NAALADL1: variants seen among roughly 807,000 people sequenced by gnomAD.
NAALADL1 encodes aminopeptidase NAALADL1.
In NAALADL1, 77 loss-of-function variants were observed where a neutral mutation model predicts 82.8. That is an observed-to-expected ratio of 0.93 (90% CI 0.77 to 1.12). The LOEUF (loss-of-function observed/expected upper bound fraction) is 1.12, where lower values mean the gene tolerates loss of function less well. NAALADL1 is among the 50% of genes most tolerant of loss of function. NAALADL1 has a pLI of 0.00. For synonymous variants in NAALADL1, 358 were observed against 399.2 expected (o/e 0.90, Z 1.23); for missense variants, 956 against 964.0 (o/e 0.99, Z 0.11).
At position 65,058,145 on chromosome 11, in the gene NAALADL1, G is replaced by A. The variant is rs1327766162; in HGVS notation, c.291C>T (p.Ala97=). The A allele has an allele frequency of 1.3e-5, 21 of 1,613,816 alleles. No individual in the cohort carries two copies. The highest frequency in any genetic ancestry group is 1.6e-4 in the Middle Eastern group (1 of 6,082). The change falls in exon 2 of 18, where the codon GCC becomes GCT. Residue 97 remains alanine, a synonymous_variant. Coordinates refer to ENST00000358658, the MANE Select transcript of NAALADL1 (RefSeq NM_005468.3). ...WKDPESGLDS[A]EASTYEVLLS... ...GCAGCACTTCGTACGTGGAGGCCTC[G>A]GCCGAGTCCAGGCCTGACTCTGGGT... is the stretch of plus-strand genomic sequence containing the variant.
At chr11:65,057,042 G>T (rs558761021) in intron 4 of NAALADL1, among the ~76,000 whole-genome samples, 1 of 152,344 alleles carries the variant, frequency 6.6e-6, no homozygotes, top group East Asian at 1.9e-4. Flanking sequence ...TGATGGAAAA[G>T]AAATGGCAGG....
chr11:65,057,539 G>A (rs1209386622), intron 3 of NAALADL1, 46 bp from the exon 4 acceptor site: 3 of 1,582,634 alleles, frequency 1.9e-6, no homozygotes, highest in African/African-American at 1.4e-5. Context: ...CCAGCGAAGT[G>A]TGGGTGGGGA....
rs1242938654 is a variant in NAALADL1 at position 65,046,261 on chromosome 11, T to C, written c.1783A>G (p.Thr595Ala). ...LPLKVSDYSE[T>A]LRSFLQAAQQ... is the part of the protein sequence containing the mutation. The stretch of plus-strand genomic sequence containing the variant: ...GCTGCCTGCAGGAAGCTGCGGAGTG[T>C]CTCACTGTAGTCACTGACTTTGAGG... The change falls in exon 15 of 18, where the codon ACA becomes GCA. Residue 595 changes from threonine to alanine, a missense_variant. Transcript: ENST00000358658. 1.9e-6 allele frequency: 3 copies of C among 1,614,106 alleles called. No individual in the cohort carries two copies.
At position 65,048,304 on chromosome 11, in the gene NAALADL1, G is replaced by A; in HGVS notation, c.1280C>T (p.Thr427Ile). The change falls in exon 9 of 18, where the codon ACA (threonine) becomes ATA (isoleucine). Residue 427 changes from threonine (T) to isoleucine (I), a missense_variant. Coordinates refer to ENST00000358658, the MANE Select transcript of NAALADL1 (RefSeq NM_005468.3). ...EFGLIGSTEF[T>I]EEFFNKLQER... ...CTACCCTGTAGGGCCACTCACTTCTGTGAATTCCGTGGAGCCAATGAGCCC... is the reference window on the plus strand; with the variant it reads ...CTACCCTGTAGGGCCACTCACTTCTATGAATTCCGTGGAGCCAATGAGCCC... 1 of 1,614,170 alleles carries A rather than the reference G, an allele frequency of 6.2e-7. No homozygotes were observed. Among genetic ancestry groups the A allele is most frequent in the Non-Finnish European group, 8.5e-7 (1 of 1,180,036 alleles).
intron 8 of NAALADL1, 124 bp from the exon 9 acceptor site, chr11:65,048,509 C>A (rs1946803201): frequency 9.6e-7 from 1 of 1,040,082 alleles, no homozygotes; most frequent in Non-Finnish European, 1.4e-6. Context: ...GACAGGATGT[C>A]CTGGCACCCT....
At position 65,046,021 on chromosome 11, in the gene NAALADL1, G is replaced by GCTCACTCAGGGCTGCCCTTC. The variant is rs1946714554; in HGVS notation, c.1929_1943+5dup. 6.2e-7 allele frequency: 1 copy of GCTCACTCAGGGCTGCCCTTC among 1,613,542 alleles called. No homozygotes were observed. The highest frequency in any genetic ancestry group is 2.2e-5 in the East Asian group (1 of 44,890). ...CTCCCAGCCCCTGCCCGCTGCCCTT[G>GCTCACTCAGGGCTGCCCTTC]CTCACTCAGGGCTGCCCTTCTGCAG... On this transcript the variant is annotated splice_donor_region_variant and intron_variant, in intron 16 of 17. Coordinates refer to ENST00000358658, the MANE Select transcript of NAALADL1 (RefSeq NM_005468.3).
In NAALADL1 at chr11:65,044,831, A is replaced by G. The variant is rs1367603257; in HGVS notation, c.*440T>C. 6.3e-6 allele frequency: 8 copies of G among 1,264,524 alleles called. No individual in the cohort carries two copies. Among genetic ancestry groups the G allele is most frequent in the South Asian group, 3.0e-5 (2 of 66,546 alleles). The allele number at this position is 1,264,524 out of a possible 1,614,324, so 78.3% of individuals were successfully genotyped here. A position where few individuals can be genotyped will look rare whatever the true frequency, so the allele number is the denominator to read the frequency against. On this transcript the variant is annotated 3_prime_UTR_variant, in exon 18 of 18. Transcript: ENST00000358658. This position sits in a 1 kb window ranked among gnomAD's most constrained non-coding sequence, Gnocchi z 4.0. The stretch of plus-strand genomic sequence containing the variant: ...AAAAGGAACTTGTTTTGTTGGTACC[A>G]GTCACTAGATGTGATTTATTTGAGG...
intron 8 of NAALADL1, among the ~76,000 whole-genome samples, chr11:65,049,979 G>C (rs950298886): frequency 1.3e-5 from 2 of 151,024 alleles, no homozygotes; most frequent in Admixed American, 6.6e-5. Flanking sequence ...AGGTTCAAGC[G>C]ATTCTCCTGC....
At chr11:65,058,907 G>A (rs1947122701), upstream of NAALADL1, among the ~76,000 whole-genome samples, 1 of 152,162 alleles carries the variant, frequency 6.6e-6, no homozygotes, top group African/African-American at 2.4e-5. Context: ...CCGATCTACA[G>A]CATACCCAGC....
chr11:65,050,559 G>A (rs1160109130), intron 8 of NAALADL1, among the ~76,000 whole-genome samples: 1 of 151,766 alleles, frequency 6.6e-6, no homozygotes, highest in East Asian at 2.0e-4. Context: ...GAAGGCCAGA[G>A]CGGGTGGATC....
intron 11 of NAALADL1, 109 bp from the exon 12 acceptor site, chr11:65,047,847 T>C (rs1382977634): frequency 8.8e-6 from 13 of 1,470,800 alleles, no homozygotes; most frequent in South Asian, 2.5e-5. Context: ...CTTACGAGGC[T>C]TGCCCCAGCC....
chr11:65,059,292 G>A (rs1947132176), upstream of NAALADL1, among the ~76,000 whole-genome samples: 1 of 152,232 alleles, frequency 6.6e-6, no homozygotes, highest in Admixed American at 6.5e-5. Context: ...GATGACAGGA[G>A]TGAGCCACCG....
Position 65,058,415 on chromosome 11 carries a change from G to C in NAALADL1, c.107C>G (p.Ala36Gly). Reference protein sequence around the residue: ...FAIPKKANSLAPQDLDLEILE... With the variant: ...FAIPKKANSLGPQDLDLEILE... Reference sequence around the variant, plus strand: ...GATCTCCAGGTCCAGGTCCTGGGGGGCCAGTGAGTTGGCTTTTTTGGGGAT... The same window carrying C: ...GATCTCCAGGTCCAGGTCCTGGGGGCCCAGTGAGTTGGCTTTTTTGGGGAT... Residue 36 changes from alanine (A) to glycine (G), a missense_variant, in exon 1 of 18, where the codon GCC becomes GGC. Physicochemically the swap from Ala to Gly is moderately conservative, Grantham distance 60. Transcript: ENST00000358658. 6.2e-7 allele frequency: 1 copy of C among 1,614,144 alleles called. No individual in the cohort carries two copies. The highest frequency in any genetic ancestry group is 2.2e-5 in the East Asian group (1 of 44,886).
Position 65,058,356 on chromosome 11 carries a change from T to C in NAALADL1, c.166A>G (p.Arg56Gly), listed in dbSNP as rs1947106335. ...ETVMGQLDAH[R>G]IRENLRELSR... ...TCTCACCTGAGGTTCTCCCGGATCC[T>C]GTGGGCATCCAGCTGCCCCATGACG... Residue 56 changes from arginine (R) to glycine (G), a missense_variant, in exon 1 of 18, where the codon AGG becomes GGG. Arg to Gly is a moderately radical substitution (Grantham distance 125). Transcript: ENST00000358658. 9 of 1,614,146 alleles carry C rather than the reference T, an allele frequency of 5.6e-6. No homozygotes were observed. The highest frequency in any genetic ancestry group is 2.7e-5 in the African/African-American group (2 of 75,032).
intron 11 of NAALADL1, 52 bp downstream of exon 11, chr11:65,047,929 G>T (rs1946778929): frequency 6.4e-6 from 2 of 314,124 alleles, no homozygotes; most frequent in Non-Finnish European, 1.1e-5. Context: ...CCCGTCCGCC[G>T]CACGCGGCCC....
At chr11:65,055,660 G>A (rs1157147321) in intron 4 of NAALADL1, among the ~76,000 whole-genome samples, 3 of 152,070 alleles carry the variant, frequency 2.0e-5, no homozygotes, top group African/African-American at 7.2e-5. Context: ...AATAGAATAG[G>A]GGCTGGGGCA....
At chr11:65,057,793 C>A in intron 3 of NAALADL1, 82 bp downstream of exon 3, 1 of 1,586,172 alleles carries the variant, frequency 6.3e-7, no homozygotes, top group Non-Finnish European at 8.6e-7. Flanking sequence ...AGTTGAGGCA[C>A]GTTCCCTGGG....
chr11:65,045,567 C>G, intron 17 of NAALADL1, 110 bp from the exon 18 acceptor site: 1 of 1,201,228 alleles, frequency 8.3e-7, no homozygotes, highest in South Asian at 1.6e-5. Context: ...AGAAAAGCAC[C>G]CCCGTCCACT....
chr11:65,057,008 C>T (rs1048176901), intron 4 of NAALADL1, among the ~76,000 whole-genome samples: 2 of 152,314 alleles, frequency 1.3e-5, no homozygotes, highest in Non-Finnish European at 2.9e-5. Context: ...TGAGCCACAG[C>T]GCCCGGCCCC....
Sources: gnomAD v4.1 joint callset for allele counts (sites outside exome capture counted in the v4.1 genomes callset) on GRCh38, gnomAD v4.1.1 for gene constraint, Gnocchi (gnomAD v3.1) non-coding constraint, MANE v1.5 for transcripts, NCBI Gene and HGNC (gene_info 2026-07-23, HGNC 2026-07-21) for gene names.